Variants in RASSF5 observed in about 807,000 individuals in gnomAD.
The protein encoded by RASSF5 is ras association domain-containing protein 5.
In RASSF5, 25 loss-of-function variants were observed where a neutral mutation model predicts 40.5. The ratio of observed to expected loss-of-function variants is 0.62; its 90% CI spans 0.45 to 0.86. The LOEUF is 0.86. Among genes scored for constraint, RASSF5 ranks in the 40% least tolerant of loss-of-function variants. RASSF5 has a pLI of 0.00. For synonymous variants in RASSF5, 246 were observed against 252.4 expected (o/e 0.97, Z 0.24); for missense variants, 521 against 572.8 (o/e 0.91, Z 0.92).
At position 206,507,808 on chromosome 1, in the gene RASSF5, A is replaced by T. The variant is rs781843602; in HGVS notation, c.206A>T (p.Asn69Ile). The T allele has an allele frequency of 1.1e-5, 16 of 1,398,130 alleles. 1 individual carries two copies. Among genetic ancestry groups the T allele is most frequent in the Middle Eastern group, 2.6e-4 (1 of 3,904 alleles). 86.6% of individuals were successfully genotyped at this position (1,398,130 alleles called of 1,614,324 possible). ...GRSARRAARG[N>I]LEPPPRASRP... ...AGCGCCCGGAGGGCTGCCCGGGGGA[A>T]CCTGGAGCCCCCGCCCCGGGCCTCC... The change falls in exon 1 of 6, where the codon AAC (asparagine) becomes ATC (isoleucine). Residue 69 changes from asparagine (N) to isoleucine (I), a missense_variant. By Grantham distance (149) the Asn-to-Ile change is moderately radical. Transcript: ENST00000579436.
chr1:206,545,886 A>G (rs1377027610), intron 2 of RASSF5, among the ~76,000 whole-genome samples: 1 of 150,772 alleles, frequency 6.6e-6, no homozygotes, highest in African/African-American at 2.4e-5. Flanking sequence ...TTTTAAACCA[A>G]TCTGCTCATC....
At chr1:206,577,649 G>C (rs143743124) in intron 2 of RASSF5, among the ~76,000 whole-genome samples, 3 of 152,302 alleles carry the variant, frequency 2.0e-5, no homozygotes, top group Non-Finnish European at 2.9e-5. Flanking sequence ...TGGGATCTGG[G>C]ACACCATAGA....
chr1:206,558,395 G>T (rs906117220), intron 2 of RASSF5, among the ~76,000 whole-genome samples: 7 of 152,094 alleles, frequency 4.6e-5, no homozygotes, highest in Non-Finnish European at 7.4e-5. Context: ...CAGGCCTCGT[G>T]TCTGTCAGTA....
At position 206,583,393 on chromosome 1, in the gene RASSF5, C is replaced by G; in HGVS notation, c.690+14C>G. The G allele has an allele frequency of 1.3e-6, 2 of 1,561,056 alleles. No individual in the cohort carries two copies. The highest frequency in any genetic ancestry group is 2.2e-5 in the South Asian group (2 of 89,978). On this transcript the variant is annotated intron_variant, in intron 3 of 5. Transcript: ENST00000579436. Reference sequence around the variant, plus strand: ...GGCATGAAACTGGTAAGCGCCCGTCCACCCTCAACCTGGCCCCTGCTCCAC... The same window carrying G: ...GGCATGAAACTGGTAAGCGCCCGTCGACCCTCAACCTGGCCCCTGCTCCAC...
intron 2 of RASSF5, among the ~76,000 whole-genome samples, chr1:206,565,771 G>A (rs1308152028): frequency 6.6e-6 from 1 of 152,162 alleles, no homozygotes; most frequent in African/African-American, 2.4e-5. Flanking sequence ...GTTTGAACAG[G>A]AATTGCCCAC....
intron 2 of RASSF5, among the ~76,000 whole-genome samples, chr1:206,573,660 A>C (rs1668531222): frequency 6.6e-6 from 1 of 152,228 alleles, no homozygotes; most frequent in South Asian, 2.1e-4. Context: ...GTAAGTCATT[A>C]AAGAGCTTCA....
At chr1:206,558,867 G>T (rs373593647) in intron 2 of RASSF5, among the ~76,000 whole-genome samples, 2 of 152,162 alleles carry the variant, frequency 1.3e-5, no homozygotes, top group African/African-American at 4.8e-5. Context: ...AAAGGGACAG[G>T]CGTCCCTTTC....
At chr1:206,540,718 C>T in intron 2 of RASSF5, among the ~76,000 whole-genome samples, 1 of 152,188 alleles carries the variant, frequency 6.6e-6, no homozygotes, top group East Asian at 1.9e-4. Flanking sequence ...TCTGTTAAAT[C>T]TCAAGATGGA....
chr1:206,508,109 G>T (rs1257062395), intron 1 of RASSF5, 50 bp downstream of exon 1: 3 of 1,294,044 alleles, frequency 2.3e-6, no homozygotes, highest in Non-Finnish European at 2.0e-6. Context: ...CAGTCTGGGG[G>T]CGAAGGACTG....
At chr1:206,523,487 AT>A (rs1553396442) in intron 1 of RASSF5, among the ~76,000 whole-genome samples, 1 of 18,156 alleles carries the variant, frequency 5.5e-5, no homozygotes, top group East Asian at 3.3e-3. Context: ...AATATATAAT[AT>A]TATATATTAT....
At chr1:206,530,059 A>G (rs1667197104) in intron 1 of RASSF5, among the ~76,000 whole-genome samples, 1 of 152,246 alleles carries the variant, frequency 6.6e-6, no homozygotes, top group African/African-American at 2.4e-5. Context: ...ATGTCATCAC[A>G]GTGTGGGTAC....
In RASSF5 at chr1:206,507,576, T is replaced by C. The variant is rs1553393886; in HGVS notation, c.-27T>C. 5 of 1,465,718 alleles carry C rather than the reference T, an allele frequency of 3.4e-6. No individual in the cohort carries two copies. Among genetic ancestry groups the C allele is most frequent in the East Asian group, 6.0e-5 (2 of 33,556 alleles). The allele number at this position is 1,465,718 out of a possible 1,614,324, so 90.8% of individuals were successfully genotyped here. On this transcript the variant is annotated 5_prime_UTR_variant, in exon 1 of 6. Transcript: ENST00000579436. ...GTAGCGCAGTCGCCAAAGCCGCCGCTGCCAAAGCTGCCGCCACTAGCCGGG... is the reference window on the plus strand; with the variant it reads ...GTAGCGCAGTCGCCAAAGCCGCCGCCGCCAAAGCTGCCGCCACTAGCCGGG...
chr1:206,566,230 C>T (rs74744055), intron 2 of RASSF5, among the ~76,000 whole-genome samples: 5,379 of 152,282 alleles, frequency 0.035, 313 homozygotes, highest in African/African-American at 0.12. Context: ...TCCCACCACA[C>T]ACACAGCTGA....
intron 2 of RASSF5, among the ~76,000 whole-genome samples, chr1:206,563,763 G>A (rs1220466030): frequency 1.3e-5 from 2 of 152,200 alleles, no homozygotes; most frequent in Admixed American, 6.5e-5. Flanking sequence ...AGAAGAGAAT[G>A]TGTCACAGAT....
Position 206,578,559 on chromosome 1 carries a change from G to A in RASSF5, c.580-4710G>A, listed in dbSNP as rs146898492. 2.8e-3 allele frequency among the ~76,000 whole-genome samples: 423 copies of A among 152,264 alleles called. 2 individuals are homozygous for A. The highest frequency in any genetic ancestry group is 1.0e-2 in the African/African-American group (414 of 41,528). On this transcript the variant is annotated intron_variant, in intron 2 of 5. Coordinates refer to ENST00000579436, the MANE Select transcript of RASSF5 (RefSeq NM_182663.4). ...AAACAGGTGTGAGATGATTCAAATC[G>A]TGGGCCAGAAGGAGGAAAGACTGAC...
chr1:206,577,604 A>G (rs1668702945), intron 2 of RASSF5, among the ~76,000 whole-genome samples: 1 of 152,224 alleles, frequency 6.6e-6, no homozygotes, highest in Non-Finnish European at 1.5e-5. Context: ...TTCATCCTGC[A>G]GGTACTTAAC....
chr1:206,522,261 A>G (rs1666926060), intron 1 of RASSF5, among the ~76,000 whole-genome samples: 1 of 152,178 alleles, frequency 6.6e-6, no homozygotes, highest in South Asian at 2.1e-4. Flanking sequence ...GCACAAATGA[A>G]CAACTGGTTA....
intron 1 of RASSF5, among the ~76,000 whole-genome samples, chr1:206,532,763 GC>G (rs1667275312): frequency 6.6e-6 from 1 of 152,192 alleles, no homozygotes. Context: ...TGCCCGCCTG[GC>G]CCTTACCCAC....
At chr1:206,586,010 T>G (rs1669097425) in intron 5 of RASSF5, 1 of 152,306 alleles carries the variant, frequency 6.6e-6, no homozygotes, top group African/African-American at 2.4e-5. Flanking sequence ...GGACAGTAGC[T>G]GAATGCTGCT....
Sources: gnomAD v4.1 joint callset for allele counts (sites outside exome capture counted in the v4.1 genomes callset) on GRCh38, gnomAD v4.1.1 for gene constraint, MANE v1.5 for transcripts, NCBI Gene and HGNC (gene_info 2026-07-23, HGNC 2026-07-21) for gene names.